The following WNT2B variants were observed in gnomAD, a reference collection of about 807,000 sequenced individuals.
The protein encoded by WNT2B is protein Wnt-2b.
Under a neutral mutation model 40.5 loss-of-function variants are expected in WNT2B, and 19 were observed. The ratio of observed to expected loss-of-function variants is 0.47; its 90% CI spans 0.33 to 0.69. The LOEUF (loss-of-function observed/expected upper bound fraction) is 0.69. Ranked by LOEUF, WNT2B falls within the 30% of genes least tolerant of loss-of-function variation. The pLI is 0.02. For synonymous variants in WNT2B, 220 were observed against 211.9 expected, an observed-to-expected ratio of 1.04 and a Z score of -0.33; for missense variants, 467 against 556.4, an observed-to-expected ratio of 0.84 and a Z score of 1.62.
intron 1 of WNT2B, among the ~76,000 whole-genome samples, chr1:112,510,495 C>T (rs1038872738): frequency 1.3e-5 from 2 of 151,892 alleles, no homozygotes; most frequent in African/African-American, 2.4e-5. Flanking sequence ...CCCGTGCAAG[C>T]CCCCCTCCCC....
At position 112,486,060 on chromosome 1, in the gene WNT2B, G is replaced by GCTA. The variant is rs150621076; in HGVS notation, c.-95+18472_-95+18474dup. ...TTGGGTTTGATTTGATAAAACACCA[G>GCTA]CTACTGGAAGGCTGGGAGGATTGCT... On this transcript the variant is annotated intron_variant, in intron 1 of 4. Transcript: ENST00000256640. 8.2e-3 allele frequency among the ~76,000 whole-genome samples: 1,252 copies of GCTA among 152,006 alleles called. 14 individuals are homozygous for GCTA. The highest frequency in any genetic ancestry group is 0.028 in the African/African-American group (1,168 of 41,410).
Position 112,526,066 on chromosome 1 carries a change from C to T in WNT2B, c.*5557C>T. ...GACTTCAAATCCTGTGTATTCTCCT[C>T]AAAGCCTGAGGATGCCCAGGGTTGG... On this transcript the variant is annotated 3_prime_UTR_variant, in exon 5 of 5. Coordinates refer to ENST00000369684, the MANE Select transcript of WNT2B (RefSeq NM_024494.3). 1.9e-6 allele frequency: 3 copies of T among 1,614,204 alleles called. No homozygotes were observed. Among genetic ancestry groups the T allele is most frequent in the Non-Finnish European group, 2.5e-6 (3 of 1,180,034 alleles).
At chr1:112,483,998 C>T (rs571331335) in intron 1 of WNT2B, among the ~76,000 whole-genome samples, 2 of 150,084 alleles carry the variant, frequency 1.3e-5, no homozygotes, top group African/African-American at 4.9e-5. Context: ...TGGTGGCTTG[C>T]GCTTATAATT....
intron 1 of WNT2B, chr1:112,467,688 T>C (rs1380284760): frequency 2.9e-6 from 2 of 693,964 alleles, no homozygotes; most frequent in African/African-American, 1.8e-5. Context: ...GGGGTATATA[T>C]GATCATATAC....
chr1:112,525,944 C>T lies in WNT2B; in HGVS notation c.*5435C>T, dbSNP rs890262478. 14 of 1,600,604 alleles carry T rather than the reference C, an allele frequency of 8.7e-6. No homozygotes were observed. In the African/African-American group the frequency reaches 1.3e-4, roughly 15 times the overall value. ...CAACAACCCTGTGAGGTAGGGGTTA[C>T]TGTCACTTTACAGATGCTGTTCAGA... On this transcript the variant is annotated 3_prime_UTR_variant, in exon 5 of 5. Coordinates refer to ENST00000369684, the MANE Select transcript of WNT2B (RefSeq NM_024494.3).
At chr1:112,500,316 A>G (rs59063619) in intron 1 of WNT2B, among the ~76,000 whole-genome samples, 8,798 of 152,272 alleles carry the variant, frequency 0.058, 447 homozygotes, top group Admixed American at 0.16. Context: ...ATTTGCAAAA[A>G]TGTTAAATAA....
chr1:112,525,368 T>C lies in WNT2B; in HGVS notation c.*4859T>C, dbSNP rs991070318. On this transcript the variant is annotated 3_prime_UTR_variant, in exon 5 of 5. Transcript: ENST00000369684. ...CTTTCTCAGAAGCTATTATTTTCTTTGGGTGATTGGCAGGTATAGGGCAAT... is the reference window on the plus strand; with the variant it reads ...CTTTCTCAGAAGCTATTATTTTCTTCGGGTGATTGGCAGGTATAGGGCAAT... 3.3e-5 allele frequency: 5 copies of C among 152,216 alleles called. No individual in the cohort carries two copies. Among genetic ancestry groups the C allele is most frequent in the African/African-American group, 9.7e-5 (4 of 41,450 alleles). 9.4% of individuals were successfully genotyped at this position (152,216 alleles called of 1,614,324 possible).
At chr1:112,519,337 G>A (rs1006298) in intron 4 of WNT2B, among the ~76,000 whole-genome samples, 1,638 of 152,014 alleles carry the variant, frequency 0.011, 28 homozygotes, top group Non-Finnish European at 0.018. Context: ...TTTTCCTCCC[G>A]TATCCCAGTG....
intron 1 of WNT2B, among the ~76,000 whole-genome samples, chr1:112,512,573 C>T (rs12057368): frequency 0.029 from 4,436 of 152,262 alleles, 210 homozygotes; most frequent in African/African-American, 0.086. Context: ...GAGAAGCATT[C>T]TGGGGCAGGA....
In WNT2B at chr1:112,520,559, AG is replaced by A; in HGVS notation, c.*51del. 4 of 1,584,354 alleles carry A rather than the reference AG, an allele frequency of 2.5e-6. No individual in the cohort carries two copies. Among genetic ancestry groups the A allele is most frequent in the Non-Finnish European group, 3.4e-6 (4 of 1,159,610 alleles). On this transcript the variant is annotated 3_prime_UTR_variant, in exon 5 of 5. Transcript: ENST00000369684. ...TCCAATTCAAGCCTCTCAACTCAAA[AG>A]CACAAGATCCTTGCATGCACACCTT...
chr1:112,509,535 G>T lies in WNT2B; in HGVS notation c.182+91G>T. On this transcript the variant is annotated intron_variant, in intron 1 of 4. Coordinates refer to ENST00000369684, the MANE Select transcript of WNT2B (RefSeq NM_024494.3). This position sits in a 1 kb window ranked among gnomAD's most constrained non-coding sequence, Gnocchi z 4.2. ...GACTGGCTGCTCACGGGACCAGGCT[G>T]TTGCTTCGACGGGTTGGAGACGATT... 7.2e-7 allele frequency: 1 copy of T among 1,379,942 alleles called. No individual in the cohort carries two copies. The highest frequency in any genetic ancestry group is 9.5e-7 in the Non-Finnish European group (1 of 1,052,288). The allele number at this position is 1,379,942 out of a possible 1,614,324, so 85.5% of individuals were successfully genotyped here.
intron 1 of WNT2B, among the ~76,000 whole-genome samples, chr1:112,488,306 A>T (rs1182008832): frequency 6.6e-6 from 1 of 152,008 alleles, no homozygotes; most frequent in African/African-American, 2.4e-5. Flanking sequence ...TCAAACAAAC[A>T]AACAACAACA....
chr1:112,468,177 T>C (rs1650761989), intron 1 of WNT2B, among the ~76,000 whole-genome samples: 1 of 152,236 alleles, frequency 6.6e-6, no homozygotes, highest in Admixed American at 6.5e-5. Context: ...CCATTTTGTA[T>C]CTATACCAAG....
rs368615491 is a variant in WNT2B at position 112,529,730 on chromosome 1, T to A, written c.*9221T>A. ...CAAAAAAACAGAAGGTTACTCTCAA[T>A]GCCATCCAAAAGATAAAAGTTAAAA... On this transcript the variant is annotated 3_prime_UTR_variant, in exon 5 of 5. Transcript: ENST00000369684. The A allele has an allele frequency of 2.6e-4, 32 of 122,750 alleles. No homozygotes were observed. The South Asian group carries it at 8.0e-3, about 31-fold the overall frequency. 7.6% of individuals were successfully genotyped at this position (122,750 alleles called of 1,614,324 possible). A position where few individuals can be genotyped will look rare whatever the true frequency, so the allele number is the denominator to read the frequency against.
chr1:112,484,357 G>T (rs935278649), intron 1 of WNT2B, among the ~76,000 whole-genome samples: 1 of 149,638 alleles, frequency 6.7e-6, no homozygotes, highest in Non-Finnish European at 1.5e-5. Context: ...GCTGGAGTTG[G>T]TGGTGCAGTC....
chr1:112,476,435 C>T (rs921373462), intron 1 of WNT2B, among the ~76,000 whole-genome samples: 6 of 152,036 alleles, frequency 3.9e-5, no homozygotes, highest in Admixed American at 3.3e-4. Context: ...AGAAAAACAA[C>T]GAATAAACAA....
intron 1 of WNT2B, among the ~76,000 whole-genome samples, chr1:112,513,901 T>C (rs1652439088): frequency 6.6e-6 from 1 of 152,106 alleles, no homozygotes; most frequent in South Asian, 2.1e-4. Flanking sequence ...CAGATCTCAT[T>C]TGGTGGCCTC....
rs113945907 is a variant in WNT2B, at chr1:112,525,913, T to A, written c.*5404T>A. ...GCAAAATGCTTTAGCATATATGTAA[T>A]CCTCACAACAACCCTGTGAGGTAGG... is the stretch of plus-strand genomic sequence containing the variant. On this transcript the variant is annotated 3_prime_UTR_variant, in exon 5 of 5. Transcript: ENST00000369684. The A allele has an allele frequency of 2.0e-6, 3 of 1,510,494 alleles. No homozygotes were observed. In the African/African-American group the frequency reaches 4.1e-5, roughly 21 times the overall value. The allele number at this position is 1,510,494 out of a possible 1,614,324, so 93.6% of individuals were successfully genotyped here.
intron 1 of WNT2B, among the ~76,000 whole-genome samples, chr1:112,512,417 G>T (rs972768886): frequency 3.9e-5 from 6 of 152,150 alleles, no homozygotes; most frequent in African/African-American, 1.4e-4. Flanking sequence ...CCTTGGGTGG[G>T]GCCTGAATGT....
Sources: allele counts gnomAD v4.1 joint callset (sites outside exome capture counted in the v4.1 genomes callset), GRCh38; gene constraint gnomAD v4.1.1; non-coding constraint Gnocchi (gnomAD v3.1); transcripts MANE v1.5; gene names NCBI Gene and HGNC (gene_info 2026-07-23, HGNC 2026-07-21).